The following SORCS3 variants were observed in gnomAD, a reference collection of about 807,000 sequenced individuals.
The protein encoded by SORCS3 is VPS10 domain-containing receptor SorCS3.
A neutral mutation model predicts 146.3 loss-of-function variants in SORCS3; 57 were observed. That is an observed-to-expected ratio of 0.39 (90% CI 0.31 to 0.49). The LOEUF (loss-of-function observed/expected upper bound fraction) is 0.49, where lower values mean the gene tolerates loss of function less well. Among genes scored for constraint, SORCS3 ranks in the 20% least tolerant of loss-of-function variants. The pLI, the probability that SORCS3 is intolerant of heterozygous loss-of-function variation, is 0.92. For synonymous variants in SORCS3, 653 were observed against 618.5 expected (o/e 1.06, Z -0.83); for missense variants, 1,341 against 1,575.5 (o/e 0.85, Z 2.52).
intron 1 of SORCS3, among the ~76,000 whole-genome samples, chr10:104,825,394 C>T (rs2017923832): frequency 6.6e-6 from 1 of 152,176 alleles, no homozygotes; most frequent in Admixed American, 6.5e-5. Context: ...CTGGATTCTA[C>T]ACTAAAACTT....
intron 3 of SORCS3, among the ~76,000 whole-genome samples, chr10:104,949,539 TCTTTGGAACC>T (rs1042412576): frequency 2.6e-5 from 4 of 152,240 alleles, no homozygotes; most frequent in African/African-American, 9.6e-5. Flanking sequence ...TTTCATGCCC[TCTTTGGAACC>T]CCTTGTAGCA....
At chr10:105,248,071 G>A (rs151161628) in intron 22 of SORCS3, among the ~76,000 whole-genome samples, 20 of 152,176 alleles carry the variant, frequency 1.3e-4, no homozygotes, top group Middle Eastern at 3.4e-3. Context: ...GTTCCAGCAG[G>A]GTAATAGAAT....
rs373314068 is a variant in SORCS3, at chr10:105,082,028, T to C, written c.1029-7747T>C. 9.2e-5 allele frequency among the ~76,000 whole-genome samples: 14 copies of C among 152,310 alleles called. 1 individual carries two copies. Among genetic ancestry groups the C allele is most frequent in the East Asian group, 5.8e-4 (3 of 5,178 alleles). On this transcript the variant is annotated intron_variant, in intron 5 of 26. Coordinates refer to ENST00000369701, the MANE Select transcript of SORCS3 (RefSeq NM_014978.3). ...ATTATAACCGTTCATTCAACAAATA[T>C]TTACTGATGATCTACCATGTGCCAA...
chr10:104,971,108 G>A (rs1274596363), intron 3 of SORCS3, among the ~76,000 whole-genome samples: 1 of 152,220 alleles, frequency 6.6e-6, no homozygotes, highest in Non-Finnish European at 1.5e-5. Flanking sequence ...ATAAACAGGG[G>A]TGCAGCTTTT....
intron 4 of SORCS3, among the ~76,000 whole-genome samples, chr10:105,025,151 C>T (rs1306616638): frequency 6.6e-6 from 1 of 152,194 alleles, no homozygotes; most frequent in Non-Finnish European, 1.5e-5. Context: ...GAGCTGTTTT[C>T]CCCTTGCTCA....
chr10:104,790,681 G>A (rs2017486560), intron 1 of SORCS3, among the ~76,000 whole-genome samples: 1 of 152,130 alleles, frequency 6.6e-6, no homozygotes, highest in Non-Finnish European at 1.5e-5. Context: ...CTCTCTGAAG[G>A]CAGAGATTGT....
chr10:105,007,069 G>C (rs949360355), intron 4 of SORCS3, among the ~76,000 whole-genome samples: 30 of 152,132 alleles, frequency 2.0e-4, no homozygotes, highest in Non-Finnish European at 3.8e-4. Flanking sequence ...CTTCACTCTA[G>C]TGACAGCTCA....
At chr10:104,899,755 G>A (rs980136800) in intron 2 of SORCS3, among the ~76,000 whole-genome samples, 1 of 152,140 alleles carries the variant, frequency 6.6e-6, no homozygotes, top group East Asian at 1.9e-4. Context: ...TGAACATCTT[G>A]CCATCATCCT....
chr10:105,062,581 C>A (rs1043540866), intron 5 of SORCS3, among the ~76,000 whole-genome samples: 1 of 152,044 alleles, frequency 6.6e-6, no homozygotes, highest in Admixed American at 6.6e-5. Context: ...AGTATTTCAG[C>A]GGTTGGAGAG....
chr10:104,661,596 C>T (rs1215772687), intron 1 of SORCS3, among the ~76,000 whole-genome samples: 2 of 152,138 alleles, frequency 1.3e-5, no homozygotes, highest in Non-Finnish European at 2.9e-5. Context: ...TGAGATCAAA[C>T]ACACTTCATA....
intron 1 of SORCS3, among the ~76,000 whole-genome samples, chr10:104,666,696 C>T (rs886137922): frequency 1.3e-5 from 2 of 152,170 alleles, no homozygotes; most frequent in Non-Finnish European, 2.9e-5. Context: ...ACCTCAAACT[C>T]CTGGGGTCAA....
Position 105,200,068 on chromosome 10 carries a change from C to A in SORCS3, c.2079C>A (p.Ser693Arg), listed in dbSNP as rs753235082. The change falls in exon 15 of 27, where the codon AGC becomes AGA. Residue 693 changes from serine (S) to arginine (R), a missense_variant. Transcript: ENST00000369701. ...LVKVDYKSIF[S>R]RHCTKEDYQT... ...AAGTGGACTACAAATCTATCTTCAG[C>A]CGGCATTGCACCAAGGAGGACTATC... 5.5e-5 allele frequency: 89 copies of A among 1,613,552 alleles called. No individual in the cohort carries two copies. The highest frequency in any genetic ancestry group is 7.3e-5 in the Non-Finnish European group (86 of 1,179,686).
intron 1 of SORCS3, among the ~76,000 whole-genome samples, chr10:104,671,630 G>C (rs1056620192): frequency 2.0e-5 from 3 of 151,796 alleles, no homozygotes; most frequent in African/African-American, 7.3e-5. Context: ...GAGCCACCAT[G>C]CCTGGCTGGG....
intron 1 of SORCS3, among the ~76,000 whole-genome samples, chr10:104,724,783 G>C (rs952756379): frequency 6.6e-6 from 1 of 152,148 alleles, no homozygotes; most frequent in African/African-American, 2.4e-5. Flanking sequence ...ACTGAGGCTT[G>C]TGCATTCATC....
chr10:104,814,162 A>AG (rs1186720802), intron 1 of SORCS3, among the ~76,000 whole-genome samples: 2 of 152,108 alleles, frequency 1.3e-5, no homozygotes, highest in Non-Finnish European at 2.9e-5. Context: ...TCAAGACACA[A>AG]GGGGGGAGTT....
chr10:104,914,978 G>T (rs1253526043), intron 2 of SORCS3, among the ~76,000 whole-genome samples: 2 of 151,836 alleles, frequency 1.3e-5, no homozygotes, highest in African/African-American at 4.8e-5. Flanking sequence ...GATACAGGTG[G>T]TGGAAAAAGG....
chr10:105,219,291 A>G (rs186597563), intron 19 of SORCS3, among the ~76,000 whole-genome samples: 187 of 152,294 alleles, frequency 1.2e-3, no homozygotes, highest in African/African-American at 4.2e-3. Flanking sequence ...TCTCCCCACA[A>G]AGTCACACAG....
intron 2 of SORCS3, among the ~76,000 whole-genome samples, chr10:104,862,892 G>A (rs2018419903): frequency 6.6e-6 from 1 of 152,130 alleles, no homozygotes; most frequent in African/African-American, 2.4e-5. Context: ...AGATTGAAGA[G>A]TTCCCACCTT....
intron 1 of SORCS3, among the ~76,000 whole-genome samples, chr10:104,696,247 TG>T (rs1474000539): frequency 3.3e-5 from 4 of 122,396 alleles, no homozygotes; most frequent in African/African-American, 1.3e-4. Flanking sequence ...TATACACATA[TG>T]ATATATGATA....
Sources: gnomAD v4.1 joint callset for allele counts (sites outside exome capture counted in the v4.1 genomes callset) on GRCh38, gnomAD v4.1.1 for gene constraint, MANE v1.5 for transcripts, NCBI Gene and HGNC (gene_info 2026-07-23, HGNC 2026-07-21) for gene names.